Variants in VPS13B observed in about 807,000 individuals in gnomAD.
VPS13B encodes vacuolar protein sorting 13 homolog B, also known as intermembrane lipid transfer protein VPS13B.
VPS13B carries 285 observed loss-of-function variants against 426.4 expected under a neutral mutation model. The observed-to-expected ratio is 0.67, with a 90% CI of 0.61 to 0.74. The LOEUF (loss-of-function observed/expected upper bound fraction) is 0.74, where lower values mean the gene tolerates loss of function less well. VPS13B is among the 30% of genes least tolerant of loss of function. The pLI, the probability that VPS13B is intolerant of heterozygous loss-of-function variation, is 0.00. For synonymous variants in VPS13B, 1,676 were observed against 1,676.4 expected, an observed-to-expected ratio of 1.00 and a Z score of 0.01; for missense variants, 4,537 against 4,782.6, an observed-to-expected ratio of 0.95 and a Z score of 1.51.
At chr8:99,364,034 A>G (rs1008782660) in intron 19 of VPS13B, among the ~76,000 whole-genome samples, 1 of 152,118 alleles carries the variant, frequency 6.6e-6, no homozygotes, top group African/African-American at 2.4e-5. Flanking sequence ...TACCCTTGTC[A>G]TGTTCCAGTT....
At chr8:99,530,501 C>A (rs1472489845) in intron 30 of VPS13B, among the ~76,000 whole-genome samples, 1 of 151,612 alleles carries the variant, frequency 6.6e-6, no homozygotes, top group Non-Finnish European at 1.5e-5. Flanking sequence ...GTAATTCCAG[C>A]TACTTGGGAG....
chr8:99,308,860 A>G (rs998698918), intron 19 of VPS13B, among the ~76,000 whole-genome samples: 2 of 151,738 alleles, frequency 1.3e-5, no homozygotes, highest in African/African-American at 4.8e-5. Context: ...CTGACTTTTT[A>G]ATGATTGCCA....
At chr8:99,758,039 C>G (rs74778394) in intron 39 of VPS13B, among the ~76,000 whole-genome samples, 2,868 of 152,266 alleles carry the variant, frequency 0.019, 40 homozygotes, top group Middle Eastern at 0.065. Context: ...GAATAGTCAT[C>G]TTTCCTTCAA....
At chr8:99,370,737 G>T (rs952073235) in intron 19 of VPS13B, among the ~76,000 whole-genome samples, 1 of 149,544 alleles carries the variant, frequency 6.7e-6, no homozygotes, top group Admixed American at 6.8e-5. Flanking sequence ...AGCCTCCCAA[G>T]TAGCTGGGAC....
chr8:99,863,947 G>A (rs1345934805), intron 58 of VPS13B, among the ~76,000 whole-genome samples: 1 of 152,192 alleles, frequency 6.6e-6, no homozygotes, highest in Non-Finnish European at 1.5e-5. Context: ...CCTGAGCAGT[G>A]TGTCCATGTC....
intron 3 of VPS13B, among the ~76,000 whole-genome samples, chr8:99,066,422 A>AT (rs1476858598): frequency 2.0e-5 from 3 of 152,204 alleles, no homozygotes; most frequent in African/African-American, 7.2e-5. Context: ...TATTTAATAA[A>AT]TGGTGGTGGG....
At chr8:99,821,067 T>C (rs1814331254) in intron 49 of VPS13B, among the ~76,000 whole-genome samples, 1 of 127,062 alleles carries the variant, frequency 7.9e-6, no homozygotes, top group Non-Finnish European at 1.6e-5. Flanking sequence ...AAAAAATACA[T>C]TGGGAGCCAA....
At chr8:99,127,835 T>C (rs987500737) in intron 8 of VPS13B, among the ~76,000 whole-genome samples, 1 of 152,206 alleles carries the variant, frequency 6.6e-6, no homozygotes, top group Non-Finnish European at 1.5e-5. Context: ...GTAAAATTAC[T>C]GTATTTTAAA....
intron 19 of VPS13B, among the ~76,000 whole-genome samples, chr8:99,320,062 A>G (rs1809891443): frequency 6.6e-6 from 1 of 152,150 alleles, no homozygotes; most frequent in South Asian, 2.1e-4. Flanking sequence ...AATAGGCACC[A>G]TGTCTATCAT....
intron 3 of VPS13B, among the ~76,000 whole-genome samples, chr8:99,081,479 G>C (rs890381305): frequency 6.6e-6 from 1 of 151,800 alleles, no homozygotes; most frequent in Non-Finnish European, 1.5e-5. Flanking sequence ...CAACGTGCAG[G>C]TTTGTTACAT....
chr8:99,423,191 C>T (rs1356601256), intron 21 of VPS13B, among the ~76,000 whole-genome samples: 2 of 151,962 alleles, frequency 1.3e-5, no homozygotes, highest in African/African-American at 4.8e-5. Flanking sequence ...TTTGCATGCA[C>T]CCTCACAACT....
chr8:99,098,063 A>G (rs765622738), intron 4 of VPS13B, among the ~76,000 whole-genome samples: 1 of 152,188 alleles, frequency 6.6e-6, no homozygotes, highest in Non-Finnish European at 1.5e-5. Context: ...TCTGACCACA[A>G]TGTGATTAAA....
At chr8:99,233,484 C>T in intron 17 of VPS13B, 1 of 1,321,172 alleles carries the variant, frequency 7.6e-7, no homozygotes. Context: ...TGAAGAGATT[C>T]ACAATCTCCT....
At chr8:99,741,898 C>A (rs1809749381) in intron 39 of VPS13B, among the ~76,000 whole-genome samples, 1 of 152,244 alleles carries the variant, frequency 6.6e-6, no homozygotes, top group South Asian at 2.1e-4. Context: ...GACACCCTAA[C>A]ATCACAATTA....
At chr8:99,013,403 T>C (rs1472958575) in intron 1 of VPS13B, 56 bp downstream of exon 1, 1 of 332,022 alleles carries the variant, frequency 3.0e-6, no homozygotes, top group East Asian at 7.9e-5. Flanking sequence ...GTCTTCTAGC[T>C]TTGGTTCTAT....
At chr8:99,109,389 T>C (rs1216622291) in intron 5 of VPS13B, among the ~76,000 whole-genome samples, 1 of 143,574 alleles carries the variant, frequency 7.0e-6, no homozygotes, top group South Asian at 2.2e-4. Context: ...TCTTTCTTTC[T>C]TTTTTTTTTT....
In VPS13B at chr8:99,543,119, G is replaced by A. The variant is rs564186307; in HGVS notation, c.4746-13331G>A. On this transcript the variant is annotated intron_variant, in intron 30 of 61. Transcript: ENST00000357162. ...GTACTGGTACCAAAACAGAGATATAGATCAATGGAACAAAACAGGGCCCTC... is the reference window on the plus strand; with the variant it reads ...GTACTGGTACCAAAACAGAGATATAAATCAATGGAACAAAACAGGGCCCTC... Among the ~76,000 whole-genome samples, 11 of 152,258 alleles carry A rather than the reference G, an allele frequency of 7.2e-5. No homozygotes were observed. In the South Asian group the frequency reaches 2.3e-3, roughly 32 times the overall value.
chr8:99,487,592 A>G (rs960184148), intron 25 of VPS13B, among the ~76,000 whole-genome samples: 7 of 152,142 alleles, frequency 4.6e-5, no homozygotes, highest in Admixed American at 2.6e-4. Context: ...TCCCCATCGA[A>G]CAACTCTATC....
intron 58 of VPS13B, 75 bp from the exon 59 acceptor site, chr8:99,868,214 T>C (rs1301938175): frequency 1.9e-6 from 3 of 1,590,980 alleles, no homozygotes; most frequent in East Asian, 4.5e-5. Flanking sequence ...CAGATAAAAC[T>C]GTGTTCCAGA....
Sources: allele counts gnomAD v4.1 joint callset (sites outside exome capture counted in the v4.1 genomes callset), GRCh38; gene constraint gnomAD v4.1.1; transcripts MANE v1.5; gene names NCBI Gene and HGNC (gene_info 2026-07-23, HGNC 2026-07-21).